Variants in DAB2IP observed in about 807,000 individuals in gnomAD.
DAB2IP encodes the protein disabled homolog 2-interacting protein.
In DAB2IP, 28 loss-of-function variants were observed where a neutral mutation model predicts 107.2. The observed-to-expected ratio is 0.26, with a 90% confidence interval of 0.19 to 0.36. The LOEUF (loss-of-function observed/expected upper bound fraction) is 0.36, where lower values mean the gene tolerates loss of function less well. Ranked by LOEUF, DAB2IP falls within the 10% of genes least tolerant of loss-of-function variation. The pLI, the probability that DAB2IP is intolerant of heterozygous loss-of-function variation, is 1.00. For synonymous variants in DAB2IP, 755 were observed against 706.4 expected (o/e 1.07, Z -1.09); for missense variants, 1,400 against 1,644.7 (o/e 0.85, Z 2.57).
At chr9:121,720,613 C>A (rs1038747021) in intron 3 of DAB2IP, among the ~76,000 whole-genome samples, 1 of 152,164 alleles carries the variant, frequency 6.6e-6, no homozygotes, top group Non-Finnish European at 1.5e-5. Context: ...TCCCTGCTCC[C>A]TGGGCAGTGA....
At chr9:121,666,878 A>ACC (rs1833457702) in intron 1 of DAB2IP, among the ~76,000 whole-genome samples, 1 of 98,998 alleles carries the variant, frequency 1.0e-5, no homozygotes, top group Non-Finnish European at 2.7e-5. Flanking sequence ...ACACACACAC[A>ACC]CACACACACA....
intron 3 of DAB2IP, among the ~76,000 whole-genome samples, chr9:121,730,246 C>G (rs773826771): frequency 6.6e-6 from 1 of 152,204 alleles, no homozygotes; most frequent in Non-Finnish European, 1.5e-5. Context: ...CCACCCTTCC[C>G]GAGGCCAGAA....
At chr9:121,729,362 G>A (rs1831396783) in intron 3 of DAB2IP, among the ~76,000 whole-genome samples, 1 of 152,146 alleles carries the variant, frequency 6.6e-6, no homozygotes, top group African/African-American at 2.4e-5. Context: ...TTTTACCGAA[G>A]AGGAAGCTGA....
At chr9:121,645,752 G>A (rs563472793) in intron 1 of DAB2IP, among the ~76,000 whole-genome samples, 3 of 152,162 alleles carry the variant, frequency 2.0e-5, no homozygotes, top group Non-Finnish European at 2.9e-5. Context: ...TTCTCTCAAG[G>A]TTCCTTCTAC....
chr9:121,715,986 G>T (rs776734633), intron 3 of DAB2IP, among the ~76,000 whole-genome samples: 2 of 152,222 alleles, frequency 1.3e-5, no homozygotes, highest in Non-Finnish European at 2.9e-5. Flanking sequence ...TTGTCTTGGT[G>T]CCTGGTTGTA....
chr9:121,727,087 T>C (rs1466072648), intron 3 of DAB2IP, among the ~76,000 whole-genome samples: 5 of 152,130 alleles, frequency 3.3e-5, no homozygotes, highest in Admixed American at 6.5e-5. Context: ...AGGGGGACAG[T>C]TGAATGAGTG....
At position 121,772,487 on chromosome 9, in the gene DAB2IP, G is replaced by T. The variant is rs572205849; in HGVS notation, c.2079-120G>T. 1.7e-5 allele frequency: 19 copies of T among 1,108,420 alleles called. 1 individual carries two copies. In the South Asian group the frequency reaches 2.1e-4, roughly 12 times the overall value. The allele number at this position is 1,108,420 out of a possible 1,614,324, so 68.7% of individuals were successfully genotyped here. A position where few individuals can be genotyped will look rare whatever the true frequency, so the allele number is the denominator to read the frequency against. Reference sequence around the variant, plus strand: ...ACCCCAGCGCATCCATCTCCCCAGCGCTGGCTCAGGCTGCCAGGCCCCGGC... The same window carrying T: ...ACCCCAGCGCATCCATCTCCCCAGCTCTGGCTCAGGCTGCCAGGCCCCGGC... On this transcript the variant is annotated intron_variant, in intron 11 of 15. Coordinates refer to ENST00000408936, the Ensembl canonical transcript of DAB2IP. The surrounding 1 kb of genome is among the most constrained non-coding windows in gnomAD (Gnocchi z 4.7).
At chr9:121,770,306 G>A (rs777942386) in intron 10 of DAB2IP, among the ~76,000 whole-genome samples, 6 of 152,202 alleles carry the variant, frequency 3.9e-5, no homozygotes, top group East Asian at 1.9e-4. Context: ...CTAGGTCAGC[G>A]TCTCCCACTG....
chr9:121,661,172 C>T (rs1251329024), intron 1 of DAB2IP, among the ~76,000 whole-genome samples: 2 of 151,954 alleles, frequency 1.3e-5, no homozygotes, highest in East Asian at 3.9e-4. Context: ...TGGCACAAGA[C>T]TGGGCAAGGG....
chr9:121,748,399 AC>A (rs1173169085), intron 3 of DAB2IP, among the ~76,000 whole-genome samples: 1 of 151,712 alleles, frequency 6.6e-6, no homozygotes, highest in Non-Finnish European at 1.5e-5. Context: ...GGCCGTTAGA[AC>A]CCCAGCTTTC....
At chr9:121,727,755 C>T (rs553558415) in intron 3 of DAB2IP, among the ~76,000 whole-genome samples, 1 of 152,300 alleles carries the variant, frequency 6.6e-6, no homozygotes, top group African/African-American at 2.4e-5. Flanking sequence ...TTTCCTTTTC[C>T]CTCAAAGCCG....
intron 1 of DAB2IP, among the ~76,000 whole-genome samples, chr9:121,619,702 T>A (rs927609297): frequency 6.6e-6 from 1 of 152,214 alleles, no homozygotes; most frequent in Non-Finnish European, 1.5e-5. Flanking sequence ...TATGTTGTGA[T>A]CCCAGTAATG....
intron 1 of DAB2IP, among the ~76,000 whole-genome samples, chr9:121,678,024 C>G (rs1828359707): frequency 6.6e-6 from 1 of 152,174 alleles, no homozygotes; most frequent in Admixed American, 6.5e-5. Context: ...ATCATTTTAA[C>G]TAGTTTTAAG....
chr9:121,596,809 C>A (rs1330936768), intron 1 of DAB2IP, among the ~76,000 whole-genome samples: 1 of 152,160 alleles, frequency 6.6e-6, no homozygotes, highest in Non-Finnish European at 1.5e-5. Context: ...CTAGATGCTG[C>A]CAAATTGTTT....
intron 14 of DAB2IP, among the ~76,000 whole-genome samples, chr9:121,779,604 C>G (rs530007712): frequency 6.6e-6 from 1 of 152,356 alleles, no homozygotes; most frequent in South Asian, 2.1e-4. Flanking sequence ...AGCCTTTAGT[C>G]TTGGCCTAAC....
At chr9:121,642,032 T>TTTCTTTCC (rs1832361045) in intron 1 of DAB2IP, among the ~76,000 whole-genome samples, 1 of 21,928 alleles carries the variant, frequency 4.6e-5, no homozygotes, top group African/African-American at 1.8e-4. Context: ...TCTCTCTCTC[T>TTTCTTTCC]TTCTTTCTTT....
chr9:121,661,910 C>G (rs1984038), intron 1 of DAB2IP, among the ~76,000 whole-genome samples: 42,082 of 151,536 alleles, frequency 0.28, 6,327 homozygotes, highest in African/African-American at 0.38. Context: ...GGGCCAAGGA[C>G]TTCCAGGTTG....
intron 10 of DAB2IP, among the ~76,000 whole-genome samples, chr9:121,769,426 CAT>C (rs1374793307): frequency 6.6e-6 from 1 of 152,230 alleles, no homozygotes; most frequent in Non-Finnish European, 1.5e-5. Flanking sequence ...AAAGCAAGAA[CAT>C]ACTGTGTATG....
intron 10 of DAB2IP, among the ~76,000 whole-genome samples, chr9:121,769,615 C>G (rs1337726207): frequency 6.6e-6 from 1 of 152,158 alleles, no homozygotes; most frequent in African/African-American, 2.4e-5. Flanking sequence ...GGTCCTGTTG[C>G]AATCAAAGGC....
Sources: gnomAD v4.1 joint callset for allele counts (sites outside exome capture counted in the v4.1 genomes callset) on GRCh38, gnomAD v4.1.1 for gene constraint, Gnocchi (gnomAD v3.1) non-coding constraint, MANE v1.5 for transcripts, NCBI Gene and HGNC (gene_info 2026-07-23, HGNC 2026-07-21) for gene names.